Variants in HR observed in about 807,000 individuals in gnomAD.
HR encodes the protein HR lysine demethylase and nuclear receptor corepressor.
HR carries 83 observed loss-of-function variants against 128.6 expected under a neutral mutation model. The ratio of observed to expected loss-of-function variants is 0.65; its 90% confidence interval spans 0.54 to 0.77. HR has a LOEUF of 0.77. HR is among the 30% of genes least tolerant of loss of function. HR has a pLI of 0.00. For missense variants in HR, 1,490 were observed against 1,574.6 expected (o/e 0.95, Z 0.91); for synonymous variants, 681 against 658.2 (o/e 1.03, Z -0.53).
chr8:22,122,523 C>G lies in HR; in HGVS notation c.2091G>C (p.Arg697=). 1 of 1,611,608 alleles carries G rather than the reference C, an allele frequency of 6.2e-7. No homozygotes were observed. Among genetic ancestry groups the G allele is most frequent in the Non-Finnish European group, 8.5e-7 (1 of 1,179,192 alleles). Residue 697 remains arginine, a synonymous_variant, in exon 8 of 19, where the codon CGG becomes CGC. Coordinates refer to ENST00000381418, the MANE Select transcript of HR (RefSeq NM_005144.5). ...RGHCPCQADA[R]VWAPGDAGQQ... is the part of the protein sequence containing the mutation. ...GGCCTGCATCCCCGGGGGCCCATAC[C>G]CGGGCATCAGCTTGGCAGGGGCAGT...
rs75100696 is a variant in HR at position 22,116,753 on chromosome 8, C to G, written c.3378+122G>C. The G allele has an allele frequency of 0.03, 39,928 of 1,333,080 alleles. 775 individuals carry two copies. Among genetic ancestry groups the G allele is most frequent in the Admixed American group, 0.055 (2,780 of 50,748 alleles). 82.6% of individuals were successfully genotyped at this position (1,333,080 alleles called of 1,614,324 possible). A position where few individuals can be genotyped will look rare whatever the true frequency, so the allele number is the denominator to read the frequency against. On this transcript the variant is annotated intron_variant, in intron 17 of 18. Transcript: ENST00000381418. This position sits in a 1 kb window ranked among gnomAD's most constrained non-coding sequence, Gnocchi z 4.2. Reference sequence around the variant, plus strand: ...CCCCGTTATCTCTTCCCCACAGCAGCGTGCGGCTCCCTGCCCTGCCCGGCT... The same window carrying G: ...CCCCGTTATCTCTTCCCCACAGCAGGGTGCGGCTCCCTGCCCTGCCCGGCT...
intron 9 of HR, among the ~76,000 whole-genome samples, 184 bp from the exon 10 acceptor site, chr8:22,121,412 A>C (rs896768051): frequency 6.6e-6 from 1 of 151,506 alleles, no homozygotes; most frequent in African/African-American, 2.4e-5. Flanking sequence ...GCAGCTCCAG[A>C]GTCTCTAAAA....
rs1051662281 is a variant in HR, at chr8:22,116,502, C to T, written c.3379-74G>A. The T allele has an allele frequency of 2.1e-5, 33 of 1,561,866 alleles. No homozygotes were observed. Among genetic ancestry groups the T allele is most frequent in the Non-Finnish European group, 2.8e-5 (32 of 1,152,748 alleles). On this transcript the variant is annotated intron_variant, in intron 17 of 18. Transcript: ENST00000381418. The surrounding 1 kb of genome is among the most constrained non-coding windows in gnomAD (Gnocchi z 4.2). The stretch of plus-strand genomic sequence containing the variant: ...CCCTGTCCCCCTGGTCCCTGAGGTT[C>T]GCTTCCTCTAATGACAACCACCCCC...
In HR at chr8:22,116,417, C is replaced by G. The variant is rs778088673; in HGVS notation, c.3390G>C (p.Leu1130=). The G allele has an allele frequency of 6.2e-7, 1 of 1,613,752 alleles. No individual in the cohort carries two copies. The highest frequency in any genetic ancestry group is 1.7e-5 in the Admixed American group (1 of 59,990). Residue 1130 remains leucine (L), a synonymous_variant, in exon 18 of 19, where the codon CTG becomes CTC. Coordinates refer to ENST00000381418, the MANE Select transcript of HR (RefSeq NM_005144.5). The surrounding 1 kb of genome is among the most constrained non-coding windows in gnomAD (Gnocchi z 4.2). Reference sequence around the variant, plus strand: ...GCTGAGTGACGCTGACTGTGCTCACCAGGCCCTGCACCTGTGTCGGGGGGA... The same window carrying G: ...GCTGAGTGACGCTGACTGTGCTCACGAGGCCCTGCACCTGTGTCGGGGGGA... ...PAGAPHQVQG[L]VSTVSVTQHF...
chr8:22,121,338 C>T (rs1477637388), intron 9 of HR, 110 bp from the exon 10 acceptor site: 2 of 1,401,916 alleles, frequency 1.4e-6, no homozygotes, highest in East Asian at 4.6e-5. Context: ...GCCCACTCTC[C>T]CCAGCCAGCA....
At chr8:22,123,617 T>TTTGGGGGGCCCC in intron 6 of HR, 32 bp downstream of exon 6, 1 of 292,092 alleles carries the variant, frequency 3.4e-6, no homozygotes, top group Non-Finnish European at 6.2e-6. Context: ...GAGGGCTCCA[T>TTTGGGGGGCCCC]CCCGCCCTCC....
chr8:22,123,919 C>G (rs1442979044), intron 5 of HR, 106 bp from the exon 6 acceptor site: 1 of 1,345,902 alleles, frequency 7.4e-7, no homozygotes, highest in Non-Finnish European at 1.0e-6. Flanking sequence ...CAAGGAGCAG[C>G]TTCCATGGAG....
chr8:22,122,039 A>G (rs1322380943), intron 8 of HR, among the ~76,000 whole-genome samples: 2 of 152,238 alleles, frequency 1.3e-5, no homozygotes, highest in Non-Finnish European at 2.9e-5. Flanking sequence ...CCCAAAATGC[A>G]TTCAATGAAC....
intron 12 of HR, 64 bp from the exon 13 acceptor site, chr8:22,120,237 C>T: frequency 6.2e-7 from 1 of 1,603,986 alleles, no homozygotes; most frequent in South Asian, 1.1e-5. Flanking sequence ...CCGGCGGCAG[C>T]AACACCTGCT....
rs1205647881 is a variant in HR, at chr8:22,128,981, CA to C, written c.189del (p.Gly64AlafsTer59). On this transcript the variant is annotated frameshift_variant, in exon 2 of 19. Coordinates refer to ENST00000381418, the MANE Select transcript of HR (RefSeq NM_005144.5). LOFTEE classifies it high-confidence loss of function. The part of the protein sequence containing the change: ...VLSTPDSWLP[P>X]GFPQGPKDML... ...ATGTCCTTGGGGCCCTGGGGGAAGC[CA>C]GGGGGAAGCCAGGAGTCTGGGGTGC... The C allele has an allele frequency of 6.2e-7, 1 of 1,613,146 alleles. No individual in the cohort carries two copies. The highest frequency in any genetic ancestry group is 8.5e-7 in the Non-Finnish European group (1 of 1,179,936).
At chr8:22,126,294 G>T (rs13260888) in intron 3 of HR, among the ~76,000 whole-genome samples, 2 of 152,078 alleles carry the variant, frequency 1.3e-5, no homozygotes, top group Non-Finnish European at 2.9e-5. Flanking sequence ...GGAGAGAGCT[G>T]ATCCACACCC....
intron 3 of HR, among the ~76,000 whole-genome samples, chr8:22,126,266 G>A (rs998528466): frequency 6.6e-6 from 1 of 152,290 alleles, no homozygotes; most frequent in African/African-American, 2.4e-5. Flanking sequence ...CAGGTGCAGG[G>A]CATTTGGGCA....
intron 9 of HR, 96 bp downstream of exon 9, chr8:22,121,516 TA>T: frequency 7.5e-7 from 1 of 1,326,280 alleles, no homozygotes; most frequent in Non-Finnish European, 1.1e-6. Flanking sequence ...GGGGAGTTGC[TA>T]AAGTCCCCGG....
intron 3 of HR, among the ~76,000 whole-genome samples, 154 bp from the exon 4 acceptor site, chr8:22,125,886 C>G (rs895226805): frequency 2.0e-5 from 3 of 152,160 alleles, no homozygotes; most frequent in African/African-American, 7.2e-5. Context: ...AAGAGTGGAC[C>G]AGGCAGCTGG....
chr8:22,130,799 G>C lies in HR; in HGVS notation c.-412C>G, dbSNP rs1827033016. ...CGGAGGGAGAGAAGGCGCCGGGCCGGGGGGAACACGCGCCCCGGGTCGGAG... is the reference window on the plus strand; with the variant it reads ...CGGAGGGAGAGAAGGCGCCGGGCCGCGGGGAACACGCGCCCCGGGTCGGAG... On this transcript the variant is annotated 5_prime_UTR_variant, in exon 1 of 19. Coordinates refer to ENST00000381418, the MANE Select transcript of HR (RefSeq NM_005144.5). The C allele has an allele frequency of 6.6e-6, 1 of 152,300 alleles. No homozygotes were observed. Among genetic ancestry groups the C allele is most frequent in the Admixed American group, 6.5e-5 (1 of 15,298 alleles). 9.4% of individuals were successfully genotyped at this position (152,300 alleles called of 1,614,324 possible).
At chr8:22,117,247 G>C (rs1826616774) in intron 16 of HR, 1 of 559,316 alleles carries the variant, frequency 1.8e-6, no homozygotes, top group African/African-American at 1.9e-5. Context: ...AAGGAGCTTA[G>C]AAGGAAGGGA....
intron 3 of HR, 54 bp downstream of exon 3, chr8:22,126,983 A>C (rs2131765684): frequency 1.8e-3 from 1,782 of 1,011,400 alleles, no homozygotes; most frequent in Non-Finnish European, 2.5e-3. Flanking sequence ...GCGAAGCCCC[A>C]GCCCCGGCTG....
In HR at chr8:22,125,591, T is replaced by C; in HGVS notation, c.1547A>G (p.Gln516Arg). ...AGGGGCAATGGCTCACCTCCGCACTTGCTGAGAGTGGCAGGCGTGCCCTCC... is the reference window on the plus strand; with the variant it reads ...AGGGGCAATGGCTCACCTCCGCACTCGCTGAGAGTGGCAGGCGTGCCCTCC... The part of the protein sequence containing the change: ...EGGGHACHSQ[Q>R]VRRSPLGGEL... The change falls in exon 4 of 19, where the codon CAA becomes CGA. Residue 516 changes from glutamine (Q) to arginine (R), a missense_variant. Gln to Arg is a conservative substitution (Grantham distance 43, BLOSUM62 1). Coordinates refer to ENST00000381418, the MANE Select transcript of HR (RefSeq NM_005144.5). 1 of 1,612,884 alleles carries C rather than the reference T, an allele frequency of 6.2e-7. No homozygotes were observed. Among genetic ancestry groups the C allele is most frequent in the Non-Finnish European group, 8.5e-7 (1 of 1,179,704 alleles).
chr8:22,126,358 G>A (rs1826890909), intron 3 of HR, among the ~76,000 whole-genome samples: 1 of 152,232 alleles, frequency 6.6e-6, no homozygotes, highest in Non-Finnish European at 1.5e-5. Flanking sequence ...TAAGGCTGGA[G>A]CCGGCAGTGC....
Sources: allele counts gnomAD v4.1 joint callset (sites outside exome capture counted in the v4.1 genomes callset), GRCh38; gene constraint gnomAD v4.1.1; non-coding constraint Gnocchi (gnomAD v3.1); transcripts MANE v1.5; gene names NCBI Gene and HGNC (gene_info 2026-07-23, HGNC 2026-07-21).